The following CACYBP variants were observed in gnomAD, a reference collection of about 807,000 sequenced individuals.
CACYBP encodes the protein calcyclin-binding protein.
CACYBP carries 11 observed loss-of-function variants against 29.6 expected under a neutral mutation model. The ratio of observed to expected loss-of-function variants is 0.37; its 90% confidence interval spans 0.23 to 0.61. The LOEUF (loss-of-function observed/expected upper bound fraction) is 0.61. Ranked by LOEUF, CACYBP falls within the 20% of genes least tolerant of loss-of-function variation. The probability of loss-of-function intolerance (pLI) is 0.65; values close to 1 mark genes in which losing one functional copy is unlikely to be tolerated. For missense variants in CACYBP, 163 were observed against 260.7 expected, an observed-to-expected ratio of 0.63 and a Z score of 2.58; for synonymous variants, 73 against 88.3, an observed-to-expected ratio of 0.83 and a Z score of 0.97.
chr1:175,000,716 A>C, intron 1 of CACYBP: 1 of 558,472 alleles, frequency 1.8e-6, no homozygotes, highest in Non-Finnish European at 2.3e-6. Context: ...CATCCATTTC[A>C]TAGGGTTGTT....
At chr1:175,000,473 A>G (rs1672445519) in intron 1 of CACYBP, 2 of 1,350,486 alleles carry the variant, frequency 1.5e-6, no homozygotes, top group Non-Finnish European at 1.9e-6. Context: ...GGTCTGGGAG[A>G]GCGGCCCTTT....
At chr1:174,999,835 A>C (rs1672414342), upstream of CACYBP, 4 of 450,622 alleles carry the variant, frequency 8.9e-6, no homozygotes, top group Non-Finnish European at 1.6e-5. Flanking sequence ...TTCGCTCGCG[A>C]GACTTGAGCG....
Position 175,011,506 on chromosome 1 carries a change from G to GAAAT in CACYBP, c.*1435_*1438dup, listed in dbSNP as rs1292151146. ...ATTATATGTGACTTAAAACCTAGAAGAAATAAATAAAACTATTGATCAATT... is the reference window on the plus strand; with the variant it reads ...ATTATATGTGACTTAAAACCTAGAAGAAATAAATAAATAAAACTATTGATCAATT... On this transcript the variant is annotated 3_prime_UTR_variant, in exon 6 of 6. Coordinates refer to ENST00000367679, the MANE Select transcript of CACYBP (RefSeq NM_014412.3). 6.6e-6 allele frequency: 1 copy of GAAAT among 152,048 alleles called. No individual in the cohort carries two copies. Among genetic ancestry groups the GAAAT allele is most frequent in the African/African-American group, 2.4e-5 (1 of 41,404 alleles). The allele number at this position is 152,048 out of a possible 1,614,324, so 9.4% of individuals were successfully genotyped here.
At chr1:175,006,665 C>G (rs1221188456) in intron 2 of CACYBP, 80 bp from the exon 3 acceptor site, 10 of 708,264 alleles carry the variant, frequency 1.4e-5, no homozygotes, top group Admixed American at 2.2e-5. Flanking sequence ...ACTTTCCTGA[C>G]TTATGAGCCA....
At position 175,004,739 on chromosome 1, in the gene CACYBP, A is replaced by G. The variant is rs780047806; in HGVS notation, c.141A>G (p.Lys47=). 3 of 1,614,040 alleles carry G rather than the reference A, an allele frequency of 1.9e-6. No homozygotes were observed. In the South Asian group the frequency reaches 3.3e-5, roughly 18 times the overall value. Residue 47 remains lysine, a synonymous_variant, in exon 2 of 6, where the codon AAA becomes AAG. Transcript: ENST00000367679. ...ETEIKNKMQQ[K]SQKKAELLDN... ...AAATCAAGAACAAGATGCAACAGAA[A>G]TCACAGAAGAAAGCAGAACTTCTTG...
Position 175,004,635 on chromosome 1 carries a change from G to A in CACYBP, c.37G>A (p.Val13Ile), listed in dbSNP as rs142098029. The A allele has an allele frequency of 6.2e-7, 1 of 1,607,504 alleles. No homozygotes were observed. Among genetic ancestry groups the A allele is most frequent in the South Asian group, 1.1e-5 (1 of 90,100 alleles). The change falls in exon 2 of 6, where the codon GTA becomes ATA. Residue 13 changes from valine (V) to isoleucine (I), a missense_variant. Transcript: ENST00000367679. ...SEELQKDLEEVKVLLEKATRK... is the reference protein window; with the variant it reads ...SEELQKDLEEIKVLLEKATRK... ...ACAGCTACAGAAAGATCTAGAAGAG[G>A]TAAAGGTGTTGCTGGAAAAGGCTAC...
rs570731617 is a variant in CACYBP at position 175,004,046 on chromosome 1, A to AT, written c.16-557dup. Among the ~76,000 whole-genome samples, 424 of 149,430 alleles carry AT rather than the reference A, an allele frequency of 2.8e-3. 4 individuals carry two copies. The highest frequency in any genetic ancestry group is 9.5e-3 in the African/African-American group (389 of 40,846). ...GCAAGACTTTTCCTCAAAAGCAGAA[A>AT]TTTTTTTTTTTATCTTTTGTCTTAA... On this transcript the variant is annotated intron_variant, in intron 1 of 5. Transcript: ENST00000367679.
intron 1 of CACYBP, chr1:175,000,422 G>T (rs1672442985): frequency 4.3e-6 from 6 of 1,393,714 alleles, no homozygotes; most frequent in Middle Eastern, 2.4e-4. Context: ...GGCTCGAGCG[G>T]GGGTGTGCGG....
At chr1:175,008,171 G>C (rs941896457) in intron 4 of CACYBP, among the ~76,000 whole-genome samples, 1 of 151,728 alleles carries the variant, frequency 6.6e-6, no homozygotes, top group Non-Finnish European at 1.5e-5. Context: ...GCCTATCCCC[G>C]ACCCCTCTTA....
At chr1:175,002,530 T>G (rs977898347) in intron 1 of CACYBP, among the ~76,000 whole-genome samples, 1 of 152,186 alleles carries the variant, frequency 6.6e-6, no homozygotes, top group Non-Finnish European at 1.5e-5. Context: ...GAATGCCTTA[T>G]GGGTAGGGAT....
chr1:175,008,293 T>G (rs1672666276), intron 4 of CACYBP, among the ~76,000 whole-genome samples: 1 of 152,148 alleles, frequency 6.6e-6, no homozygotes, highest in South Asian at 2.1e-4. Context: ...AACTGCCTTC[T>G]CCTGACCTTA....
At chr1:175,002,560 T>C (rs986635723) in intron 1 of CACYBP, among the ~76,000 whole-genome samples, 3 of 152,234 alleles carry the variant, frequency 2.0e-5, no homozygotes, top group African/African-American at 7.2e-5. Context: ...ATAAAATTTT[T>C]ATATACGTAA....
chr1:175,006,681 A>C (rs1027832857), intron 2 of CACYBP, 64 bp from the exon 3 acceptor site: 42 of 795,844 alleles, frequency 5.3e-5, no homozygotes, highest in Non-Finnish European at 8.6e-5. Context: ...AGCCATGTGC[A>C]TTTGCTGTTC....
intron 4 of CACYBP, 33 bp from the exon 5 acceptor site, chr1:175,008,576 T>TA: frequency 1.1e-6 from 1 of 939,660 alleles, no homozygotes; most frequent in Non-Finnish European, 1.8e-6. Flanking sequence ...CCATGTCTTC[T>TA]AAGCTGTATT....
In CACYBP at chr1:175,000,027, G is replaced by C. The variant is rs1203866414; in HGVS notation, c.-154G>C. On this transcript the variant is annotated 5_prime_UTR_variant, in exon 1 of 6. Transcript: ENST00000367679. Reference sequence around the variant, plus strand: ...GAGATCCGTCGCGTGCGGGAGGCGGGCCGCGATCTTGCGCAGGGTCGGTGT... The same window carrying C: ...GAGATCCGTCGCGTGCGGGAGGCGGCCCGCGATCTTGCGCAGGGTCGGTGT... The C allele has an allele frequency of 2.7e-6, 3 of 1,110,496 alleles. No homozygotes were observed. The African/African-American group carries it at 4.9e-5, about 18-fold the overall frequency. 68.8% of individuals were successfully genotyped at this position (1,110,496 alleles called of 1,614,324 possible). A position where few individuals can be genotyped will look rare whatever the true frequency, so the allele number is the denominator to read the frequency against.
At chr1:175,004,893 C>T (rs912571943) in intron 2 of CACYBP, 60 bp downstream of exon 2, 1 of 1,053,454 alleles carries the variant, frequency 9.5e-7, no homozygotes, top group African/African-American at 1.6e-5. Context: ...TCATAGTGGT[C>T]TAACAAATTC....
At chr1:175,003,245 A>G (rs1672534824) in intron 1 of CACYBP, among the ~76,000 whole-genome samples, 2 of 151,770 alleles carry the variant, frequency 1.3e-5, no homozygotes, top group South Asian at 4.2e-4. Flanking sequence ...CAGCTTCCCG[A>G]GTAGCTGGGA....
chr1:174,999,671 A>T (rs11548913), upstream of CACYBP: 634 of 234,132 alleles, frequency 2.7e-3, no homozygotes, highest in Non-Finnish European at 3.9e-3. Flanking sequence ...TCAACTTCCG[A>T]CTTGGACTCC....
In CACYBP at chr1:175,000,197, T is replaced by A; in HGVS notation, c.15+2T>A. 6.2e-7 allele frequency: 1 copy of A among 1,606,982 alleles called. No individual in the cohort carries two copies. The highest frequency in any genetic ancestry group is 8.5e-7 in the Non-Finnish European group (1 of 1,176,810). On this transcript the variant is annotated splice_donor_variant, in intron 1 of 5. Coordinates refer to ENST00000367679, the MANE Select transcript of CACYBP (RefSeq NM_014412.3). LOFTEE classifies it high-confidence loss of function. ...CCAGCCCCCATGGCTTCAGAAGAGG[T>A]AAGTGGTCCGGCCCCATATTCCTTA...
Sources: gnomAD v4.1 joint callset for allele counts (sites outside exome capture counted in the v4.1 genomes callset) on GRCh38, gnomAD v4.1.1 for gene constraint, MANE v1.5 for transcripts, NCBI Gene and HGNC (gene_info 2026-07-23, HGNC 2026-07-21) for gene names.